Variants in LAMB3 observed in about 807,000 individuals in gnomAD.
LAMB3 encodes laminin subunit beta 3.
Under a neutral mutation model 140.3 loss-of-function variants are expected in LAMB3, and 104 were observed. That is an observed-to-expected ratio of 0.74 (90% CI 0.63 to 0.87). The LOEUF (loss-of-function observed/expected upper bound fraction) is 0.87, where lower values mean the gene tolerates loss of function less well. Among genes scored for constraint, LAMB3 ranks in the 40% least tolerant of loss-of-function variants. LAMB3 has a pLI of 0.00. For missense variants in LAMB3, 1,531 were observed against 1,575.2 expected (o/e 0.97, Z 0.47); for synonymous variants, 592 against 602.9 (o/e 0.98, Z 0.26).
rs183020473 is a variant in LAMB3 at position 209,636,418 on chromosome 1, A to G, written c.372+1490T>C. Among the ~76,000 whole-genome samples, 19 of 152,328 alleles carry G rather than the reference A, an allele frequency of 1.2e-4. No individual in the cohort carries two copies. In the East Asian group the frequency reaches 3.3e-3, roughly 26 times the overall value. On this transcript the variant is annotated intron_variant, in intron 5 of 22. Transcript: ENST00000356082. Reference sequence around the variant, plus strand: ...AAAACAGTGCCCCTGGTTGAGACTCAGTAAACCAGGCTGTAGCCCCTATTG... The same window carrying G: ...AAAACAGTGCCCCTGGTTGAGACTCGGTAAACCAGGCTGTAGCCCCTATTG...
intron 5 of LAMB3, 136 bp downstream of exon 5, chr1:209,637,772 T>G (rs2102444473): frequency 1.3e-6 from 1 of 753,810 alleles, no homozygotes; most frequent in Non-Finnish European, 2.3e-6. Flanking sequence ...CGAGTCCTCT[T>G]CTGTCACCAT....
At chr1:209,639,933 G>A (rs762963468) in intron 3 of LAMB3, among the ~76,000 whole-genome samples, 116 of 152,296 alleles carry the variant, frequency 7.6e-4, no homozygotes, top group Non-Finnish European at 1.3e-3. Flanking sequence ...CCAGAACAAA[G>A]AACCGACCCA....
intron 18 of LAMB3, 76 bp downstream of exon 18, chr1:209,622,460 C>T: frequency 6.4e-7 from 1 of 1,559,922 alleles, no homozygotes; most frequent in Non-Finnish European, 8.8e-7. Flanking sequence ...GGAGGGCTGG[C>T]TGATGCACTG....
Position 209,618,623 on chromosome 1 carries a change from C to T in LAMB3, c.2738G>A (p.Ser913Asn). 1 of 1,614,078 alleles carries T rather than the reference C, an allele frequency of 6.2e-7. No homozygotes were observed. The highest frequency in any genetic ancestry group is 1.1e-5 in the South Asian group (1 of 91,076). The change falls in exon 19 of 23, where the codon AGC (serine) becomes AAC (asparagine). Residue 913 changes from serine to asparagine, a missense_variant. Physicochemically the swap from Ser to Asn is conservative, Grantham distance 46. Coordinates refer to ENST00000356082, the MANE Select transcript of LAMB3 (RefSeq NM_000228.3). Reference protein sequence around the residue: ...DTDAATIQEVSEAVLALWLPT... With the variant: ...DTDAATIQEVNEAVLALWLPT... ...CAGCCACAGGGCCAGCACGGCCTCG[C>T]TGACCTCCTGGATAGTGGCTGCATC...
rs1233744032 is a variant in LAMB3, at chr1:209,629,761, C to A, written c.1108G>T (p.Ala370Ser). 3 of 1,613,976 alleles carry A rather than the reference C, an allele frequency of 1.9e-6. No individual in the cohort carries two copies. Among genetic ancestry groups the A allele is most frequent in the Non-Finnish European group, 2.5e-6 (3 of 1,180,052 alleles). Reference sequence around the variant, plus strand: ...CAGATGCAGGTCTCCTGAATGGAAGCTCCCGGGCGCCGGTTCCGGAAATAG... The same window carrying A: ...CAGATGCAGGTCTCCTGAATGGAAGATCCCGGGCGCCGGTTCCGGAAATAG... ...LHYFRNRRPG[A>S]SIQETCISCE... The change falls in exon 10 of 23, where the codon GCT (alanine) becomes TCT (serine). Residue 370 changes from alanine to serine, a missense_variant. Transcript: ENST00000356082.
At chr1:209,645,718 A>G (rs1416743388) in intron 3 of LAMB3, among the ~76,000 whole-genome samples, 4 of 107,820 alleles carry the variant, frequency 3.7e-5, no homozygotes, top group Non-Finnish European at 7.3e-5. Flanking sequence ...TCTGTGTCCC[A>G]GGGGAAAAAA....
At position 209,626,934 on chromosome 1, in the gene LAMB3, C is replaced by T; in HGVS notation, c.1530G>A (p.Met510Ile). 1 of 1,613,866 alleles carries T rather than the reference C, an allele frequency of 6.2e-7. No individual in the cohort carries two copies. Among genetic ancestry groups the T allele is most frequent in the Non-Finnish European group, 8.5e-7 (1 of 1,179,966 alleles). Residue 510 changes from methionine to isoleucine, a missense_variant, in exon 13 of 23, where the codon ATG becomes ATA. By Grantham distance (10) the Met-to-Ile change is conservative (BLOSUM62 1). Transcript: ENST00000356082. ...CPCREGFGGL[M>I]CSAAAIRQCP... ...ACTGGCGGATGGCTGCAGCGCTGCA[C>T]ATCAGGCCACCAAAGCCTTCCCGAC... is the stretch of plus-strand genomic sequence containing the variant.
Position 209,630,634 on chromosome 1 carries a change from C to T in LAMB3, c.924G>A (p.Gln308=). The part of the protein sequence containing the change: ...NNRPWRPAEG[Q]DAHECQRCDC... Reference sequence around the variant, plus strand: ...TCCTACTTTGGCATTCATGGGCGTCCTGGCCCTCCGCCGGTCTCCAGGGCC... The same window carrying T: ...TCCTACTTTGGCATTCATGGGCGTCTTGGCCCTCCGCCGGTCTCCAGGGCC... Residue 308 remains glutamine (Q), a synonymous_variant, in exon 9 of 23, where the codon CAG becomes CAA. Coordinates refer to ENST00000356082, the MANE Select transcript of LAMB3 (RefSeq NM_000228.3). 1.9e-6 allele frequency: 3 copies of T among 1,614,182 alleles called. No individual in the cohort carries two copies. Among genetic ancestry groups the T allele is most frequent in the Non-Finnish European group, 2.5e-6 (3 of 1,180,024 alleles).
chr1:209,632,708 G>A lies in LAMB3; in HGVS notation c.697C>T (p.His233Tyr). Residue 233 changes from histidine (H) to tyrosine (Y), a missense_variant, in exon 8 of 23, where the codon CAC becomes TAC. Transcript: ENST00000356082. Reference sequence around the variant, plus strand: ...ACAGCATAGTAGGCGCTGGGAGGGTGGTAGCCCCTTTGGGGCACAGGGGCC... The same window carrying A: ...ACAGCATAGTAGGCGCTGGGAGGGTAGTAGCCCCTTTGGGGCACAGGGGCC... ...RLAPVPQRGY[H>Y]PPSAYYAVSQ... 6.2e-7 allele frequency: 1 copy of A among 1,614,182 alleles called. No homozygotes were observed. The highest frequency in any genetic ancestry group is 8.5e-7 in the Non-Finnish European group (1 of 1,180,002).
At chr1:209,628,259 C>A in intron 10 of LAMB3, 69 bp from the exon 11 acceptor site, 1 of 1,524,288 alleles carries the variant, frequency 6.6e-7, no homozygotes. Context: ...TTCCAGGAGC[C>A]AGGCTGCCTG....
At position 209,630,789 on chromosome 1, in the gene LAMB3, G is replaced by A. The variant is rs1666660483; in HGVS notation, c.823-54C>T. On this transcript the variant is annotated intron_variant, in intron 8 of 22. Transcript: ENST00000356082. ...GTAATCAACAAAGAAGGGCACCAGG[G>A]ATGGACCTGCCCACTGCCCTCTGAC... 3 of 1,599,428 alleles carry A rather than the reference G, an allele frequency of 1.9e-6. No homozygotes were observed. The South Asian group carries it at 3.3e-5, about 18-fold the overall frequency.
intron 21 of LAMB3, among the ~76,000 whole-genome samples, chr1:209,617,159 T>C (rs535416488): frequency 6.6e-6 from 1 of 152,212 alleles, no homozygotes; most frequent in South Asian, 2.1e-4. Context: ...TGTGAACGAG[T>C]CACCACCTCA....
At position 209,637,807 on chromosome 1, in the gene LAMB3, C is replaced by A. The variant is rs527697619; in HGVS notation, c.372+101G>T. 595 of 966,424 alleles carry A rather than the reference C, an allele frequency of 6.2e-4. No individual in the cohort carries two copies. In the African/African-American group the frequency reaches 8.4e-3, roughly 14 times the overall value. The allele number at this position is 966,424 out of a possible 1,614,324, so 59.9% of individuals were successfully genotyped here. A position where few individuals can be genotyped will look rare whatever the true frequency, so the allele number is the denominator to read the frequency against. On this transcript the variant is annotated intron_variant, in intron 5 of 22. Coordinates refer to ENST00000356082, the MANE Select transcript of LAMB3 (RefSeq NM_000228.3). ...TGATATAGGCTCATGGTGAGTGTTG[C>A]CCCAACCCAGAGAGACAAGGACACT...
intron 5 of LAMB3, among the ~76,000 whole-genome samples, chr1:209,637,154 T>C (rs74962455): frequency 0.026 from 3,917 of 152,298 alleles, 163 homozygotes; most frequent in African/African-American, 0.09. Context: ...TTTCTCAAAA[T>C]ATTTTTGACC....
At position 209,615,339 on chromosome 1, in the gene LAMB3, C is replaced by G; in HGVS notation, c.3451G>C (p.Glu1151Gln). ...TCACGGATCTGCTCCACACGCTTCT[C>G]CAGTCCTGTCAGGTCCGCTGAGCGC... ...MLRSADLTGL[E>Q]KRVEQIRDHI... Residue 1151 changes from glutamate to glutamine, a missense_variant, in exon 23 of 23, where the codon GAG becomes CAG. By Grantham distance (29) the Glu-to-Gln change is conservative. Coordinates refer to ENST00000356082, the MANE Select transcript of LAMB3 (RefSeq NM_000228.3). 1.2e-6 allele frequency: 2 copies of G among 1,613,982 alleles called. No individual in the cohort carries two copies. The highest frequency in any genetic ancestry group is 1.1e-5 in the South Asian group (1 of 91,064).
At position 209,617,767 on chromosome 1, in the gene LAMB3, T is replaced by C. The variant is rs544354181; in HGVS notation, c.3051+140A>G. On this transcript the variant is annotated intron_variant, in intron 20 of 22. Coordinates refer to ENST00000356082, the MANE Select transcript of LAMB3 (RefSeq NM_000228.3). ...ACAAGACCAGAAAATCCAAGGCCCA[T>C]AGCCTGCCCAAAGCTTGTCACTCTC... is the stretch of plus-strand genomic sequence containing the variant. 3.5e-5 allele frequency: 45 copies of C among 1,276,834 alleles called. No homozygotes were observed. The South Asian group carries it at 4.9e-4, about 14-fold the overall frequency. The allele number at this position is 1,276,834 out of a possible 1,614,324, so 79.1% of individuals were successfully genotyped here.
At position 209,623,893 on chromosome 1, in the gene LAMB3, A is replaced by C; in HGVS notation, c.2084T>G (p.Met695Arg). The change falls in exon 15 of 23, where the codon ATG (methionine) becomes AGG (arginine). Residue 695 changes from methionine to arginine, a missense_variant. Met to Arg is a moderately conservative substitution (Grantham distance 91). Coordinates refer to ENST00000356082, the MANE Select transcript of LAMB3 (RefSeq NM_000228.3). The surrounding 1 kb of genome is among the most constrained non-coding windows in gnomAD (Gnocchi z 4.2). The stretch of plus-strand genomic sequence containing the variant: ...AAACTGCTCCCTCTTCCTCTGATAC[A>C]TAGTAAGGAGACCATTGAAGCTTCT... ...LDRSFNGLLT[M>R]YQRKREQFEK... 6.2e-7 allele frequency: 1 copy of C among 1,614,138 alleles called. No homozygotes were observed. The highest frequency in any genetic ancestry group is 8.5e-7 in the Non-Finnish European group (1 of 1,180,016).
intron 1 of LAMB3, chr1:209,651,270 A>T (rs1571843522): frequency 3.4e-5 from 14 of 414,660 alleles, no homozygotes; most frequent in South Asian, 3.2e-4. Context: ...ACCCTGCCCT[A>T]CCCCACACAG....
intron 14 of LAMB3, 138 bp from the exon 15 acceptor site, chr1:209,624,138 AG>A: frequency 1.4e-6 from 1 of 712,552 alleles, no homozygotes; most frequent in Non-Finnish European, 2.3e-6. Context: ...GAGAATCCAC[AG>A]GCTAAGGGGG....
Sources: gnomAD v4.1 joint callset for allele counts (sites outside exome capture counted in the v4.1 genomes callset) on GRCh38, gnomAD v4.1.1 for gene constraint, Gnocchi (gnomAD v3.1) non-coding constraint, MANE v1.5 for transcripts, NCBI Gene and HGNC (gene_info 2026-07-23, HGNC 2026-07-21) for gene names.